The following TNRC6C variants were observed in gnomAD, a reference collection of about 807,000 sequenced individuals.
The protein encoded by TNRC6C is trinucleotide repeat containing adaptor 6C, also known as trinucleotide repeat-containing gene 6C protein.
In TNRC6C, 20 loss-of-function variants were observed where a neutral mutation model predicts 153.7. The observed-to-expected ratio is 0.13, with a 90% CI of 0.09 to 0.19. TNRC6C has a LOEUF of 0.19. Among genes scored for constraint, TNRC6C ranks in the 10% least tolerant of loss-of-function variants. The pLI, the probability that TNRC6C is intolerant of heterozygous loss-of-function variation, is 1.00. For synonymous variants in TNRC6C, 811 were observed against 841.4 expected (o/e 0.96, Z 0.63); for missense variants, 1,987 against 2,172.0 (o/e 0.91, Z 1.69).
chr17:78,101,766 C>G (rs138185629), intron 17 of TNRC6C, among the ~76,000 whole-genome samples: 63 of 152,160 alleles, frequency 4.1e-4, no homozygotes, highest in African/African-American at 1.4e-3. Context: ...ACAGATCGCT[C>G]GTGCTACTGT....
chr17:78,084,114 T>C (rs529728596), intron 11 of TNRC6C, among the ~76,000 whole-genome samples: 5 of 151,964 alleles, frequency 3.3e-5, no homozygotes, highest in South Asian at 2.1e-4. Flanking sequence ...TGAAACCCCG[T>C]CTCTACTAAA....
intron 1 of TNRC6C, among the ~76,000 whole-genome samples, chr17:77,977,891 C>CTTTTTTTTTTTT (rs528315933): frequency 8.8e-6 from 1 of 114,138 alleles, no homozygotes; most frequent in Admixed American, 9.1e-5. Flanking sequence ...TTTAAAACCT[C>CTTTTTTTTTTTT]TTTTTTTTTT....
In TNRC6C at chr17:78,108,302, CTT is replaced by C. The variant is rs548681055; in HGVS notation, c.*3460_*3461del. The C allele has an allele frequency of 9.7e-5, 15 of 154,604 alleles. No homozygotes were observed. In the Middle Eastern group the frequency reaches 3.6e-3, roughly 37 times the overall value. The allele number at this position is 154,604 out of a possible 1,614,324, so 9.6% of individuals were successfully genotyped here. On this transcript the variant is annotated 3_prime_UTR_variant, in exon 20 of 20. Coordinates refer to ENST00000301624, the Ensembl canonical transcript of TNRC6C. ...GTGTGCTGCTGGCTCTGACCATACTCTTTTGGAAATTGAGAAGGAAAGCATTG... is the reference window on the plus strand; with the variant it reads ...GTGTGCTGCTGGCTCTGACCATACTCTTGGAAATTGAGAAGGAAAGCATTG...
At chr17:78,010,538 G>A (rs542224353) in intron 1 of TNRC6C, among the ~76,000 whole-genome samples, 1 of 152,170 alleles carries the variant, frequency 6.6e-6, no homozygotes, top group Admixed American at 6.5e-5. Context: ...CCACATAATG[G>A]GGCTGGAGAC....
chr17:78,027,375 A>G (rs530246269), intron 1 of TNRC6C, among the ~76,000 whole-genome samples: 2 of 152,274 alleles, frequency 1.3e-5, no homozygotes, highest in Admixed American at 6.5e-5. Flanking sequence ...AGCTAATTAC[A>G]GTAGCCAGAC....
At chr17:78,016,016 G>C (rs943575096) in intron 1 of TNRC6C, among the ~76,000 whole-genome samples, 1 of 152,186 alleles carries the variant, frequency 6.6e-6, no homozygotes, top group South Asian at 2.1e-4. Context: ...GCAGAAATGG[G>C]TTTAAAATAT....
chr17:78,006,554 T>TCTTCTTCTTC (rs1567910982), intron 1 of TNRC6C, among the ~76,000 whole-genome samples: 9 of 63,554 alleles, frequency 1.4e-4, no homozygotes, highest in East Asian at 3.8e-4. Flanking sequence ...TTCTTCTTCT[T>TCTTCTTCTTC]CTTCTTCCTT....
rs955516059 is a variant in TNRC6C at position 78,047,970 on chromosome 17, G to A, written c.-218-875G>A. Among the ~76,000 whole-genome samples the A allele has an allele frequency of 4.6e-5, 7 of 152,256 alleles. No homozygotes were observed. In the South Asian group the frequency reaches 8.3e-4, roughly 18 times the overall value. On this transcript the variant is annotated intron_variant, in intron 2 of 19. Transcript: ENST00000301624. ...AACAGGGGATTCTTTAAAAGGACCCGAAGAGTTAAATACTATAAGAAGATG... is the reference window on the plus strand; with the variant it reads ...AACAGGGGATTCTTTAAAAGGACCCAAAGAGTTAAATACTATAAGAAGATG...
At chr17:78,001,791 G>T (rs2071416966), upstream of TNRC6C, among the ~76,000 whole-genome samples, 1 of 151,886 alleles carries the variant, frequency 6.6e-6, no homozygotes, top group African/African-American at 2.4e-5. Context: ...GGGGGGAGGA[G>T]ATATTTGACA....
chr17:78,032,182 A>C (rs1480575286), intron 2 of TNRC6C, among the ~76,000 whole-genome samples: 1 of 152,172 alleles, frequency 6.6e-6, no homozygotes, highest in Non-Finnish European at 1.5e-5. Flanking sequence ...CTTTTCTCTC[A>C]ATTTCCTAGT....
intron 3 of TNRC6C, among the ~76,000 whole-genome samples, chr17:78,051,874 G>A (rs2072544516): frequency 6.6e-6 from 1 of 152,212 alleles, no homozygotes; most frequent in South Asian, 2.1e-4. Context: ...ATGCCCATGA[G>A]CACAGCAGGA....
chr17:78,086,902 G>A (rs777978567), exon 13 of TNRC6C: 72 of 1,612,258 alleles, frequency 4.5e-5, no homozygotes, highest in Non-Finnish European at 5.7e-5. Context: ...CAGCACCAGC[G>A]CCAGCTGGCC....
rs1238851184 is a variant in TNRC6C at position 78,079,356 on chromosome 17, G to T, written c.3211-39G>T. 6.2e-7 allele frequency: 1 copy of T among 1,604,896 alleles called. No individual in the cohort carries two copies. Among genetic ancestry groups the T allele is most frequent in the Admixed American group, 1.7e-5 (1 of 59,816 alleles). On this transcript the variant is annotated intron_variant, in intron 9 of 19. Coordinates refer to ENST00000301624, the Ensembl canonical transcript of TNRC6C. The surrounding 1 kb of genome is among the most constrained non-coding windows in gnomAD (Gnocchi z 4.3). ...TACCTCCAAACAATGTTACTCTAAT[G>T]CCTGCCTTGGTAACGTGTTTAATTC...
At chr17:78,107,624 A>C (rs552845902) in exon 20 of TNRC6C, 1 of 152,290 alleles carries the variant, frequency 6.6e-6, no homozygotes, top group South Asian at 2.1e-4. Flanking sequence ...GTTTTGCTTT[A>C]TTCTATCATT....
chr17:78,003,299 G>T (rs553930464), upstream of TNRC6C, among the ~76,000 whole-genome samples: 1 of 152,222 alleles, frequency 6.6e-6, no homozygotes, highest in South Asian at 2.1e-4. Context: ...ACAGAGTTGA[G>T]GAAAGGCTTT....
Position 78,097,292 on chromosome 17 carries a change from T to C in TNRC6C, c.4307-1051T>C, listed in dbSNP as rs547915619. ...GATGGGACACCCCAGTCAGAAGAAA[T>C]ACTCAAATTTTTATGGCAAATTTTG... On this transcript the variant is annotated intron_variant, in intron 16 of 19. Transcript: ENST00000301624. Among the ~76,000 whole-genome samples the C allele has an allele frequency of 3.1e-3, 334 of 106,608 alleles. 1 individual carries two copies. Among genetic ancestry groups the C allele is most frequent in the Non-Finnish European group, 6.2e-3 (272 of 43,820 alleles). The allele number at this position is 106,608 out of a possible 152,430, so 69.9% of individuals were successfully genotyped here.
In TNRC6C at chr17:78,103,657, C is replaced by T. The variant is rs1360886105; in HGVS notation, c.4712+104C>T. On this transcript the variant is annotated intron_variant, in intron 19 of 19. Transcript: ENST00000301624. ...GTGTCCTGAGCCACCATAGCAGAATCCCACAGGCTGGCCACCCTCCCACTT... is the reference window on the plus strand; with the variant it reads ...GTGTCCTGAGCCACCATAGCAGAATTCCACAGGCTGGCCACCCTCCCACTT... The T allele has an allele frequency of 3.4e-6, 5 of 1,486,366 alleles. No homozygotes were observed. The East Asian group carries it at 1.2e-4, about 34-fold the overall frequency. The allele number at this position is 1,486,366 out of a possible 1,614,324, so 92.1% of individuals were successfully genotyped here.
At chr17:78,012,445 A>G (rs1229771628) in intron 1 of TNRC6C, among the ~76,000 whole-genome samples, 1 of 152,148 alleles carries the variant, frequency 6.6e-6, no homozygotes, top group Non-Finnish European at 1.5e-5. Context: ...CCCCCATGAC[A>G]TGAGTTTACC....
intron 1 of TNRC6C, among the ~76,000 whole-genome samples, chr17:77,966,818 C>T (rs80316075): frequency 0.043 from 6,602 of 152,202 alleles, 464 homozygotes; most frequent in African/African-American, 0.15. Flanking sequence ...TGACCTAGAT[C>T]TTATATAACA....
Sources: allele counts gnomAD v4.1 joint callset (sites outside exome capture counted in the v4.1 genomes callset), GRCh38; gene constraint gnomAD v4.1.1; non-coding constraint Gnocchi (gnomAD v3.1); transcripts MANE v1.5; gene names NCBI Gene and HGNC (gene_info 2026-07-23, HGNC 2026-07-21).